The following CELSR1 variants were observed in gnomAD, a reference collection of about 807,000 sequenced individuals.
The protein encoded by CELSR1 is cadherin EGF LAG seven-pass G-type receptor 1, also known as adhesion G protein-coupled receptor C1.
A neutral mutation model predicts 249.1 loss-of-function variants in CELSR1; 110 were observed. The observed-to-expected ratio is 0.44, with a 90% CI of 0.38 to 0.52. The LOEUF is 0.52. CELSR1 is among the 20% of genes least tolerant of loss of function. The pLI, the probability that CELSR1 is intolerant of heterozygous loss-of-function variation, is 0.00. For synonymous variants in CELSR1, 2,113 were observed against 1,900.0 expected, an observed-to-expected ratio of 1.11 and a Z score of -2.92; for missense variants, 4,109 against 4,296.4, an observed-to-expected ratio of 0.96 and a Z score of 1.22.
intron 23 of CELSR1, chr22:46,377,645 C>T (rs1602043858): frequency 6.8e-6 from 2 of 295,116 alleles, no homozygotes; most frequent in East Asian, 1.6e-4. Context: ...GGCCATGAGA[C>T]AAGCCCCAAC....
chr22:46,452,053 C>T (rs978181618), intron 2 of CELSR1, among the ~76,000 whole-genome samples: 6 of 152,148 alleles, frequency 3.9e-5, no homozygotes, highest in Admixed American at 6.5e-5. Flanking sequence ...GAAGCGCAGC[C>T]GGCCCTGCCA....
chr22:46,420,447 TACTC>T (rs1211454259), intron 5 of CELSR1, among the ~76,000 whole-genome samples: 2 of 151,296 alleles, frequency 1.3e-5, no homozygotes, highest in Admixed American at 6.6e-5. Context: ...CACACATGCA[TACTC>T]ACCCAGGTGC....
At chr22:46,532,670 A>T (rs2080803728) in intron 1 of CELSR1, among the ~76,000 whole-genome samples, 1 of 152,224 alleles carries the variant, frequency 6.6e-6, no homozygotes, top group African/African-American at 2.4e-5. Flanking sequence ...GTTTGGGCTT[A>T]TAAATAAGGT....
chr22:46,537,018 C>A lies in CELSR1; in HGVS notation c.153G>T (p.Ala51=). 9.0e-7 allele frequency: 1 copy of A among 1,105,900 alleles called. No individual in the cohort carries two copies. The highest frequency in any genetic ancestry group is 1.1e-6 in the Non-Finnish European group (1 of 908,628). 68.5% of individuals were successfully genotyped at this position (1,105,900 alleles called of 1,614,324 possible). ...CCCGGGGCGTGCAAGCGGCGCCCAC[C>A]GCGTAGGTACAGCCGGGCCGGAGGG... is the stretch of plus-strand genomic sequence containing the variant. ...AFALRPGCTY[A]VGAACTPRAP... Residue 51 remains alanine (A), a synonymous_variant, in exon 1 of 35, where the codon GCG becomes GCT. Coordinates refer to ENST00000674500, the MANE Select transcript of CELSR1 (RefSeq NM_001378328.1). This position sits in a 1 kb window ranked among gnomAD's most constrained non-coding sequence, Gnocchi z 5.8.
chr22:46,444,671 TAACAGATGACC>T (rs1225039848), intron 2 of CELSR1, among the ~76,000 whole-genome samples: 1 of 152,230 alleles, frequency 6.6e-6, no homozygotes, highest in East Asian at 1.9e-4. Flanking sequence ...GTGGCTGCCG[TAACAGATGACC>T]CCAAACTGGA....
rs913699237 is a variant in CELSR1 at position 46,362,753 on chromosome 22, G to A, written c.*470C>T. The A allele has an allele frequency of 1.5e-5, 3 of 193,966 alleles. No individual in the cohort carries two copies. Among genetic ancestry groups the A allele is most frequent in the Non-Finnish European group, 3.2e-5 (3 of 94,234 alleles). 12.0% of individuals were successfully genotyped at this position (193,966 alleles called of 1,614,324 possible). ...CATAGCGAAGTGATTTTAAGACAAG[G>A]GGTGCCTTTGCAAAGGACTGCCCGG... is the stretch of plus-strand genomic sequence containing the variant. On this transcript the variant is annotated 3_prime_UTR_variant, in exon 35 of 35. Transcript: ENST00000674500.
chr22:46,463,075 T>C (rs2147581901), intron 2 of CELSR1, among the ~76,000 whole-genome samples: 1 of 152,376 alleles, frequency 6.6e-6, no homozygotes, highest in South Asian at 2.1e-4. Context: ...AAGCAACTCA[T>C]GTCATTTCAT....
Position 46,424,234 on chromosome 22 carries a change from A to AT in CELSR1, c.4611+9158dup, listed in dbSNP as rs3056341. ...GGCACATGCACCACACACCCGGCTA[A>AT]TTTTTTTTTTTTTACTTTGTATTTT... On this transcript the variant is annotated intron_variant, in intron 5 of 34. Transcript: ENST00000674500. 3.2e-4 allele frequency among the ~76,000 whole-genome samples: 48 copies of AT among 148,270 alleles called. 1 individual carries two copies. In the East Asian group the frequency reaches 6.8e-3, roughly 21 times the overall value.
Position 46,389,325 on chromosome 22 carries a change from C to G in CELSR1, c.6520G>C (p.Asp2174His). 1 of 1,609,312 alleles carries G rather than the reference C, an allele frequency of 6.2e-7. No homozygotes were observed. The highest frequency in any genetic ancestry group is 1.1e-5 in the South Asian group (1 of 91,004). The change falls in exon 18 of 35, where the codon GAC (aspartate) becomes CAC (histidine). Residue 2174 changes from aspartate to histidine, a missense_variant. Physicochemically the swap from Asp to His is moderately conservative, Grantham distance 81. Coordinates refer to ENST00000674500, the MANE Select transcript of CELSR1 (RefSeq NM_001378328.1). ...LQHESWQQGF[D>H]LAATQDADFH... ...TCGGCGTCCTGCGTGGCTGCCAGGTCGAAGCCCTGCTGCCAGCTCTCGTGC... is the reference window on the plus strand; with the variant it reads ...TCGGCGTCCTGCGTGGCTGCCAGGTGGAAGCCCTGCTGCCAGCTCTCGTGC...
chr22:46,431,123 T>C (rs897525610), intron 5 of CELSR1, among the ~76,000 whole-genome samples: 6 of 152,168 alleles, frequency 3.9e-5, no homozygotes, highest in African/African-American at 1.4e-4. Context: ...TGGATCCCGG[T>C]AATCCACCGT....
intron 1 of CELSR1, among the ~76,000 whole-genome samples, chr22:46,533,387 G>A (rs1476912560): frequency 6.6e-6 from 1 of 152,266 alleles, no homozygotes; most frequent in Non-Finnish European, 1.5e-5. Flanking sequence ...TTGAACTTGG[G>A]AGAACCGCAG....
chr22:46,537,315 G>A lies in CELSR1; in HGVS notation c.-145C>T, dbSNP rs1298913608. On this transcript the variant is annotated 5_prime_UTR_variant, in exon 1 of 35. Coordinates refer to ENST00000674500, the MANE Select transcript of CELSR1 (RefSeq NM_001378328.1). The surrounding 1 kb of genome is among the most constrained non-coding windows in gnomAD (Gnocchi z 5.8). ...GCGTCCCGCCTCCCCGGGGGCCCTGGCGGGGACTGTGGGGACCACGCGCCC... is the reference window on the plus strand; with the variant it reads ...GCGTCCCGCCTCCCCGGGGGCCCTGACGGGGACTGTGGGGACCACGCGCCC... 2 of 941,766 alleles carry A rather than the reference G, an allele frequency of 2.1e-6. No individual in the cohort carries two copies. Among genetic ancestry groups the A allele is most frequent in the Non-Finnish European group, 2.5e-6 (2 of 787,652 alleles). The allele number at this position is 941,766 out of a possible 1,614,324, so 58.3% of individuals were successfully genotyped here.
Position 46,391,111 on chromosome 22 carries a change from G to T in CELSR1, c.6250+75C>A. ...TTTTTCAACACGAAACATTCCATGA[G>T]TCCCCACATCTCGACTGGCTCCTCC... On this transcript the variant is annotated intron_variant, in intron 16 of 34. Transcript: ENST00000674500. The surrounding 1 kb of genome is among the most constrained non-coding windows in gnomAD (Gnocchi z 4.3). 1 of 1,193,592 alleles carries T rather than the reference G, an allele frequency of 8.4e-7. No homozygotes were observed. Among genetic ancestry groups the T allele is most frequent in the Non-Finnish European group, 1.2e-6 (1 of 823,118 alleles). 73.9% of individuals were successfully genotyped at this position (1,193,592 alleles called of 1,614,324 possible).
rs370023244 is a variant in CELSR1 at position 46,506,190 on chromosome 22, A to G, written c.3544+27437T>C. Among the ~76,000 whole-genome samples, 3 of 100,306 alleles carry G rather than the reference A, an allele frequency of 3.0e-5. No individual in the cohort carries two copies. Among genetic ancestry groups the G allele is most frequent in the South Asian group, 3.5e-4 (1 of 2,834 alleles). The allele number at this position is 100,306 out of a possible 152,430, so 65.8% of individuals were successfully genotyped here. ...ACTGTCTCCAAAAAAAAAAAAAAAA[A>G]AAAGAAAAAGAAAGAAAGACAGAAA... On this transcript the variant is annotated intron_variant, in intron 1 of 34. Coordinates refer to ENST00000674500, the MANE Select transcript of CELSR1 (RefSeq NM_001378328.1). This position sits in a 1 kb window ranked among gnomAD's most constrained non-coding sequence, Gnocchi z 4.1.
At chr22:46,383,100 C>A (rs963899277) in intron 20 of CELSR1, among the ~76,000 whole-genome samples, 1 of 151,992 alleles carries the variant, frequency 6.6e-6, no homozygotes. Flanking sequence ...GCTTGGTGCC[C>A]CGCCCTTGGT....
chr22:46,364,270 G>A lies in CELSR1; in HGVS notation c.8780-19C>T. On this transcript the variant is annotated intron_variant, in intron 33 of 34. Transcript: ENST00000674500. ...AAGATGCCTGGGAGGAGGAGACACG[G>A]CAAGGTCAAGTCCGGGTGATGCTGC... 1 of 1,604,316 alleles carries A rather than the reference G, an allele frequency of 6.2e-7. No individual in the cohort carries two copies. The highest frequency in any genetic ancestry group is 8.5e-7 in the Non-Finnish European group (1 of 1,179,084).
chr22:46,373,548 G>C (rs2078881245), intron 24 of CELSR1, among the ~76,000 whole-genome samples: 1 of 151,428 alleles, frequency 6.6e-6, no homozygotes, highest in Non-Finnish European at 1.5e-5. Flanking sequence ...AGTGCTCTGG[G>C]AGAGGCTGCC....
At chr22:46,520,466 A>C (rs1197155947) in intron 1 of CELSR1, among the ~76,000 whole-genome samples, 2 of 152,030 alleles carry the variant, frequency 1.3e-5, no homozygotes, top group Non-Finnish European at 1.5e-5. Flanking sequence ...CATGGTAACC[A>C]CTTTTATTTT....
In CELSR1 at chr22:46,391,752, G is replaced by A. The variant is rs1001393474; in HGVS notation, c.6029C>T (p.Ser2010Phe). ...CLPCDCFPHG[S>F]HSRTCDMATG... ...GGCCATGTCGCAAGTGCGGCTGTGGGAGCCATGGGGGAAGCAGTCGCAGGG... is the reference window on the plus strand; with the variant it reads ...GGCCATGTCGCAAGTGCGGCTGTGGAAGCCATGGGGGAAGCAGTCGCAGGG... The change falls in exon 15 of 35, where the codon TCC becomes TTC. Residue 2010 changes from serine (S) to phenylalanine (F), a missense_variant. This residue lies in a region of CELSR1 where 1,805 missense variants were observed against 1,831.6 expected (regional missense o/e 0.99). Transcript: ENST00000674500. The surrounding 1 kb of genome is among the most constrained non-coding windows in gnomAD (Gnocchi z 4.3). The A allele has an allele frequency of 6.2e-7, 1 of 1,612,726 alleles. No homozygotes were observed. The highest frequency in any genetic ancestry group is 8.5e-7 in the Non-Finnish European group (1 of 1,179,906).
Sources: allele counts gnomAD v4.1 joint callset (sites outside exome capture counted in the v4.1 genomes callset), GRCh38; gene constraint gnomAD v4.1.1; regional missense constraint gnomAD v4.1.1; non-coding constraint Gnocchi (gnomAD v3.1); transcripts MANE v1.5; gene names NCBI Gene and HGNC (gene_info 2026-07-23, HGNC 2026-07-21).